The following LIN52 variants were observed in gnomAD, a reference collection of about 807,000 sequenced individuals.
LIN52 encodes the protein lin-52 DREAM MuvB core complex component, also known as protein lin-52 homolog.
LIN52 carries 4 observed loss-of-function variants against 18.5 expected under a neutral mutation model. The observed-to-expected ratio is 0.22, with a 90% confidence interval of 0.11 to 0.49. LIN52 has a LOEUF of 0.49. Ranked by LOEUF, LIN52 falls within the 20% of genes least tolerant of loss-of-function variation. The pLI, the probability that LIN52 is intolerant of heterozygous loss-of-function variation, is 0.97. For missense variants in LIN52, 102 were observed against 139.5 expected, an observed-to-expected ratio of 0.73 and a Z score of 1.35; for synonymous variants, 34 against 45.5, an observed-to-expected ratio of 0.75 and a Z score of 1.02.
chr14:74,089,115 A>G (rs1230007756), intron 1 of LIN52, among the ~76,000 whole-genome samples: 1 of 152,146 alleles, frequency 6.6e-6, no homozygotes, highest in African/African-American at 2.4e-5. Context: ...AGATCTGTTA[A>G]GAGGCTGTTG....
chr14:74,137,881 A>G (rs1013553366), intron 5 of LIN52, among the ~76,000 whole-genome samples: 1 of 152,116 alleles, frequency 6.6e-6, no homozygotes, highest in African/African-American at 2.4e-5. Context: ...ATTTTCTTCT[A>G]GAATATTGAG....
chr14:74,156,089 G>A (rs762865922), intron 5 of LIN52, among the ~76,000 whole-genome samples: 1 of 152,150 alleles, frequency 6.6e-6, no homozygotes, highest in Non-Finnish European at 1.5e-5. Context: ...AAACATTGAT[G>A]TTTTAGATGC....
At chr14:74,173,410 C>T (rs1172059367) in intron 5 of LIN52, among the ~76,000 whole-genome samples, 1 of 152,196 alleles carries the variant, frequency 6.6e-6, no homozygotes, top group Non-Finnish European at 1.5e-5. Context: ...TCGTCTTGAA[C>T]TCCCAACCTC....
At chr14:74,129,053 G>A (rs566413804) in intron 5 of LIN52, among the ~76,000 whole-genome samples, 1 of 152,206 alleles carries the variant, frequency 6.6e-6, no homozygotes, top group Non-Finnish European at 1.5e-5. Context: ...TTGTTAACTG[G>A]AGACATTGTT....
chr14:74,116,160 G>A (rs907697707), intron 5 of LIN52, among the ~76,000 whole-genome samples: 1 of 151,538 alleles, frequency 6.6e-6, no homozygotes, highest in East Asian at 1.9e-4. Flanking sequence ...AAAATTAACC[G>A]GGTGTGGTGG....
At chr14:74,195,556 A>ATGTGTG (rs59249126) in intron 5 of LIN52, among the ~76,000 whole-genome samples, 7,173 of 149,630 alleles carry the variant, frequency 0.048, 199 homozygotes, top group African/African-American at 0.065. Flanking sequence ...GTGTGTGTGT[A>ATGTGTG]TGTGTGTGTG....
intron 5 of LIN52, among the ~76,000 whole-genome samples, chr14:74,183,103 C>CT (rs71303902): frequency 0.016 from 1,269 of 77,322 alleles, 14 homozygotes; most frequent in Non-Finnish European, 0.03. Context: ...CTCTCTCTCT[C>CT]TTTTTTTTTT....
At chr14:74,175,191 T>C (rs1038320621) in intron 5 of LIN52, among the ~76,000 whole-genome samples, 1 of 152,068 alleles carries the variant, frequency 6.6e-6, no homozygotes, top group African/African-American at 2.4e-5. Context: ...ACTTAGGCTA[T>C]ACTAAATGTA....
At chr14:74,116,999 A>G (rs1380952975) in intron 5 of LIN52, among the ~76,000 whole-genome samples, 1 of 152,200 alleles carries the variant, frequency 6.6e-6, no homozygotes, top group African/African-American at 2.4e-5. Flanking sequence ...CTACTTAAAA[A>G]AATAAGGAAA....
intron 5 of LIN52, among the ~76,000 whole-genome samples, chr14:74,170,781 T>C (rs1208611688): frequency 6.6e-6 from 1 of 151,482 alleles, no homozygotes; most frequent in East Asian, 1.9e-4. Context: ...GCAAAATTAA[T>C]AGAACCTTGA....
chr14:74,154,729 T>C (rs2061192303), intron 5 of LIN52, among the ~76,000 whole-genome samples: 1 of 152,246 alleles, frequency 6.6e-6, no homozygotes, highest in Non-Finnish European at 1.5e-5. Context: ...TCCACAAAGC[T>C]GTTTTGTCCC....
intron 2 of LIN52, among the ~76,000 whole-genome samples, chr14:74,092,349 A>C (rs1191976161): frequency 6.7e-6 from 1 of 150,316 alleles, no homozygotes; most frequent in Non-Finnish European, 1.5e-5. Context: ...CTAGTTGCCC[A>C]GGCTGGAGTG....
intron 5 of LIN52, among the ~76,000 whole-genome samples, chr14:74,121,130 G>C (rs576067582): frequency 6.6e-6 from 1 of 152,272 alleles, no homozygotes; most frequent in South Asian, 2.1e-4. Flanking sequence ...ATACACAGTA[G>C]ATTTTCCCCT....
intron 1 of LIN52, among the ~76,000 whole-genome samples, chr14:74,088,565 C>T (rs112575038): frequency 0.015 from 2,273 of 152,196 alleles, 50 homozygotes; most frequent in African/African-American, 0.052. Context: ...CCTCAGAAAT[C>T]GGTAACAAAG....
At chr14:74,101,466 T>C (rs538529747) in intron 5 of LIN52, among the ~76,000 whole-genome samples, 4 of 151,514 alleles carry the variant, frequency 2.6e-5, no homozygotes, top group Admixed American at 6.6e-5. Context: ...TTTTCTTTTT[T>C]TTTTTTTTTT....
At chr14:74,155,155 C>T (rs1271386992) in intron 5 of LIN52, among the ~76,000 whole-genome samples, 1 of 152,194 alleles carries the variant, frequency 6.6e-6, no homozygotes, top group Non-Finnish European at 1.5e-5. Flanking sequence ...TCCTGGAAAG[C>T]TTGCTTGTTG....
intron 5 of LIN52, among the ~76,000 whole-genome samples, chr14:74,103,984 C>T (rs2060880713): frequency 1.3e-5 from 2 of 151,164 alleles, no homozygotes; most frequent in Non-Finnish European, 2.9e-5. Context: ...CTGCAACCTC[C>T]GCCTCCTGGG....
chr14:74,109,678 A>T (rs969421752), intron 5 of LIN52, among the ~76,000 whole-genome samples: 1 of 152,170 alleles, frequency 6.6e-6, no homozygotes, highest in Admixed American at 6.5e-5. Flanking sequence ...CATTTGTTAA[A>T]TTTTTTCCTA....
chr14:74,114,698 A>G (rs529128266), intron 5 of LIN52, among the ~76,000 whole-genome samples: 1 of 152,326 alleles, frequency 6.6e-6, no homozygotes, highest in Admixed American at 6.5e-5. Context: ...TGTAGAGGCT[A>G]GAGGTTAGTG....
Sources: allele counts gnomAD v4.1 joint callset (sites outside exome capture counted in the v4.1 genomes callset), GRCh38; gene constraint gnomAD v4.1.1; transcripts MANE v1.5; gene names NCBI Gene and HGNC (gene_info 2026-07-23, HGNC 2026-07-21).